TULP4: variants seen among roughly 807,000 people sequenced by gnomAD.
TULP4 encodes TUB like protein 4, also known as tubby-related protein 4.
TULP4 carries 16 observed loss-of-function variants against 129.0 expected under a neutral mutation model. The observed-to-expected ratio is 0.12, with a 90% CI of 0.08 to 0.19. TULP4 has a LOEUF of 0.19. Among genes scored for constraint, TULP4 ranks in the 10% least tolerant of loss-of-function variants. The pLI, the probability that TULP4 is intolerant of heterozygous loss-of-function variation, is 1.00. For synonymous variants in TULP4, 998 were observed against 854.0 expected (o/e 1.17, Z -2.94); for missense variants, 1,842 against 2,059.1 (o/e 0.89, Z 2.04).
In TULP4 at chr6:158,501,713, C is replaced by T. The variant is rs1018145381; in HGVS notation, c.2050C>T (p.Pro684Ser). 2 of 1,613,736 alleles carry T rather than the reference C, an allele frequency of 1.2e-6. No individual in the cohort carries two copies. The highest frequency in any genetic ancestry group is 8.5e-7 in the Non-Finnish European group (1 of 1,179,776). The change falls in exon 13 of 14, where the codon CCT (proline) becomes TCT (serine). Residue 684 changes from proline to serine, a missense_variant. Transcript: ENST00000367097. ...ATCTGGTGTCCCTGAGAACAGCCCACCTTGTACCGTGAACATCCCTATTGC... is the reference window on the plus strand; with the variant it reads ...ATCTGGTGTCCCTGAGAACAGCCCATCTTGTACCGTGAACATCCCTATTGC... ...GASGVPENSPPCTVNIPIAPI... is the reference protein window; with the variant it reads ...GASGVPENSPSCTVNIPIAPI...
intron 1 of TULP4, among the ~76,000 whole-genome samples, chr6:158,240,652 C>G (rs187939884): frequency 0.072 from 7,555 of 105,178 alleles, 1,180 homozygotes; most frequent in African/African-American, 0.13. Flanking sequence ...TGGAGGCTGA[C>G]CCCCCCACCT....
intron 3 of TULP4, among the ~76,000 whole-genome samples, chr6:158,439,408 C>T (rs9457375): frequency 6.6e-6 from 1 of 151,836 alleles, no homozygotes; most frequent in Non-Finnish European, 1.5e-5. Flanking sequence ...AGCTCTCACT[C>T]CTACACAGGG....
At chr6:158,287,704 G>A (rs1334982354) in intron 1 of TULP4, among the ~76,000 whole-genome samples, 2 of 152,196 alleles carry the variant, frequency 1.3e-5, no homozygotes. Flanking sequence ...GGCTAAAGTT[G>A]GGGGAATTTG....
At position 158,264,284 on chromosome 6, in the gene TULP4, G is replaced by A. The variant is rs146075056; in HGVS notation, n.68+31981G>A. Among the ~76,000 whole-genome samples, 585 of 152,226 alleles carry A rather than the reference G, an allele frequency of 3.8e-3. 4 individuals carry two copies. Among genetic ancestry groups the A allele is most frequent in the African/African-American group, 0.013 (556 of 41,526 alleles). ...GGTGGTGAGGGCAGTGGCGTGTGTC[G>A]TTGCTTAAATGAACTTCAATTTGAA... On this transcript the variant is annotated intron_variant and non_coding_transcript_variant, in intron 1 of 1. Coordinates refer to the TULP4 transcript ENST00000620026.
chr6:158,484,407 G>A (rs1025875574), intron 8 of TULP4, among the ~76,000 whole-genome samples: 3 of 151,742 alleles, frequency 2.0e-5, no homozygotes, highest in South Asian at 4.2e-4. Context: ...TGCCTCGGTC[G>A]CCAAAGTGCT....
chr6:158,417,173 G>A (rs1390781345), intron 2 of TULP4, among the ~76,000 whole-genome samples: 1 of 152,188 alleles, frequency 6.6e-6, no homozygotes, highest in Non-Finnish European at 1.5e-5. Flanking sequence ...GCCAAGCAGT[G>A]CCACCAGCAC....
chr6:158,298,517 T>G (rs186739964), intron 1 of TULP4, among the ~76,000 whole-genome samples: 2 of 151,900 alleles, frequency 1.3e-5, no homozygotes, highest in East Asian at 3.9e-4. Context: ...GAAGGCTTGT[T>G]CGTTCTCCCA....
intron 12 of TULP4, among the ~76,000 whole-genome samples, chr6:158,501,112 A>C (rs1354206848): frequency 6.6e-6 from 1 of 152,118 alleles, no homozygotes; most frequent in Non-Finnish European, 1.5e-5. Context: ...TTCATATGAT[A>C]CTCAGATTCA....
intron 1 of TULP4, among the ~76,000 whole-genome samples, chr6:158,343,164 C>T (rs1181992191): frequency 6.6e-6 from 1 of 151,960 alleles, no homozygotes; most frequent in African/African-American, 2.4e-5. Flanking sequence ...TCTGTATGTT[C>T]TTTGTCTATG....
chr6:158,392,794 C>CTTGTTTTTTT (rs1777615042), intron 1 of TULP4, among the ~76,000 whole-genome samples: 1 of 54,642 alleles, frequency 1.8e-5, no homozygotes, highest in Non-Finnish European at 3.0e-5. Context: ...ATTTGTATTT[C>CTTGTTTTTTT]TTTTTTTTTT....
rs1326217537 is a variant in TULP4 at position 158,454,029 on chromosome 6, C to CG, written c.859+1761_859+1762insG. ...ATACCTGCCTCTGCACCGCCCCCCCCCAAGTAATTACTCTATTTTTAAACT... is the reference window on the plus strand; with the variant it reads ...ATACCTGCCTCTGCACCGCCCCCCCCGCAAGTAATTACTCTATTTTTAAACT... On this transcript the variant is annotated intron_variant, in intron 5 of 13. Transcript: ENST00000367097. 4.2e-3 allele frequency among the ~76,000 whole-genome samples: 628 copies of CG among 148,016 alleles called. 11 individuals are homozygous for CG. The highest frequency in any genetic ancestry group is 7.4e-3 in the Non-Finnish European group (494 of 66,954).
At chr6:158,435,399 T>C (rs1050708121) in intron 3 of TULP4, among the ~76,000 whole-genome samples, 1 of 152,192 alleles carries the variant, frequency 6.6e-6, no homozygotes, top group African/African-American at 2.4e-5. Flanking sequence ...TCTGCTCGGC[T>C]ACCTTGGTTG....
upstream of TULP4, among the ~76,000 whole-genome samples, chr6:158,280,698 A>G (rs530220662): frequency 6.6e-6 from 1 of 152,362 alleles, no homozygotes; most frequent in Non-Finnish European, 1.5e-5. Context: ...TTTGTATTTG[A>G]GGACCCATGC....
At chr6:158,274,834 A>G (rs1408612620) in intron 1 of TULP4, among the ~76,000 whole-genome samples, 1 of 152,166 alleles carries the variant, frequency 6.6e-6, no homozygotes, top group Non-Finnish European at 1.5e-5. Context: ...ACTCCGAATA[A>G]AATATAAGCC....
In TULP4 at chr6:158,506,562, C is replaced by T. The variant is rs1780608757; in HGVS notation, c.4516-16C>T. On this transcript the variant is annotated splice_polypyrimidine_tract_variant and intron_variant, in intron 13 of 13. Transcript: ENST00000367097. ...CCTTATTCTTTAATGTCTTTGCTTC[C>T]CCTGCCCTCCTCCAGGTGATGCAGT... The T allele has an allele frequency of 2.6e-6, 4 of 1,534,674 alleles. No homozygotes were observed. The highest frequency in any genetic ancestry group is 3.6e-6 in the Non-Finnish European group (4 of 1,107,798).
intron 1 of TULP4, among the ~76,000 whole-genome samples, chr6:158,235,196 C>CT (rs1042433729): frequency 6.7e-6 from 1 of 149,266 alleles, no homozygotes; most frequent in African/African-American, 2.5e-5. Flanking sequence ...AAAAAAAAAA[C>CT]TTAAATTTTC....
chr6:158,415,817 C>T (rs1023339526), intron 2 of TULP4, among the ~76,000 whole-genome samples: 1 of 151,940 alleles, frequency 6.6e-6, no homozygotes, highest in Admixed American at 6.6e-5. Context: ...GGAACTAATG[C>T]GGTAGATGTA....
intron 5 of TULP4, among the ~76,000 whole-genome samples, chr6:158,452,573 G>T (rs752594224): frequency 6.6e-6 from 1 of 152,206 alleles, no homozygotes; most frequent in Non-Finnish European, 1.5e-5. Context: ...TCTGGCTTAC[G>T]CATGTCTGCA....
intron 1 of TULP4, among the ~76,000 whole-genome samples, chr6:158,288,392 T>A (rs1318498695): frequency 6.6e-6 from 1 of 152,174 alleles, no homozygotes; most frequent in Non-Finnish European, 1.5e-5. Flanking sequence ...GATACAGACA[T>A]CTTTATCTTA....
Sources: gnomAD v4.1 joint callset for allele counts (sites outside exome capture counted in the v4.1 genomes callset) on GRCh38, gnomAD v4.1.1 for gene constraint, MANE v1.5 for transcripts, NCBI Gene and HGNC (gene_info 2026-07-23, HGNC 2026-07-21) for gene names.